The following SORCS1 variants were observed in gnomAD, a reference collection of about 807,000 sequenced individuals.
SORCS1 encodes the protein sortilin related VPS10 domain containing receptor 1, also known as VPS10 domain-containing receptor SorCS1.
SORCS1 carries 60 observed loss-of-function variants against 146.1 expected under a neutral mutation model. That is an observed-to-expected ratio of 0.41 (90% CI 0.33 to 0.51). The LOEUF is 0.51. Among genes scored for constraint, SORCS1 ranks in the 20% least tolerant of loss-of-function variants. The probability of loss-of-function intolerance (pLI) is 0.21; values close to 1 mark genes in which losing one functional copy is unlikely to be tolerated. For missense variants in SORCS1, 1,352 were observed against 1,487.6 expected, an observed-to-expected ratio of 0.91 and a Z score of 1.50; for synonymous variants, 637 against 584.0, an observed-to-expected ratio of 1.09 and a Z score of -1.31.
intron 24 of SORCS1, among the ~76,000 whole-genome samples, chr10:106,588,657 C>T (rs546158620): frequency 4.0e-5 from 6 of 151,678 alleles, no homozygotes; most frequent in South Asian, 4.2e-4. Context: ...GTCAGGAGAT[C>T]GAGACCATCC....
chr10:106,794,501 C>CTTTTTTTTTT (rs35647552), intron 3 of SORCS1, among the ~76,000 whole-genome samples: 2 of 126,068 alleles, frequency 1.6e-5, no homozygotes, highest in Non-Finnish European at 1.7e-5. Flanking sequence ...TTTTCTTTTT[C>CTTTTTTTTTT]TTTTTTTTTT....
At chr10:106,792,807 A>G (rs1406411665) in intron 3 of SORCS1, among the ~76,000 whole-genome samples, 2 of 152,226 alleles carry the variant, frequency 1.3e-5, no homozygotes, top group Non-Finnish European at 2.9e-5. Context: ...TTGTCTATAA[A>G]ATATTTTAAT....
At chr10:107,079,533 T>C (rs1316672389) in intron 1 of SORCS1, among the ~76,000 whole-genome samples, 1 of 152,220 alleles carries the variant, frequency 6.6e-6, no homozygotes, top group Non-Finnish European at 1.5e-5. Flanking sequence ...CCATCACTGC[T>C]AACAATTTTT....
chr10:106,872,494 G>C (rs951182971), intron 2 of SORCS1, among the ~76,000 whole-genome samples: 1 of 152,172 alleles, frequency 6.6e-6, no homozygotes, highest in African/African-American at 2.4e-5. Context: ...AGAAAGGGGA[G>C]AACATGACTT....
intron 2 of SORCS1, among the ~76,000 whole-genome samples, chr10:106,939,404 C>CTGAT: frequency 6.6e-6 from 1 of 152,206 alleles, no homozygotes; most frequent in East Asian, 1.9e-4. Flanking sequence ...ACTGGTCTGA[C>CTGAT]TCAATGTTCT....
At chr10:106,842,783 T>C (rs767354629) in intron 2 of SORCS1, among the ~76,000 whole-genome samples, 1 of 151,588 alleles carries the variant, frequency 6.6e-6, no homozygotes, top group Admixed American at 6.6e-5. Context: ...CCGGCTAATT[T>C]TGTATTTTTA....
At chr10:106,849,262 T>C (rs1015859985) in intron 2 of SORCS1, among the ~76,000 whole-genome samples, 2 of 150,970 alleles carry the variant, frequency 1.3e-5, no homozygotes, top group Non-Finnish European at 3.0e-5. Flanking sequence ...TAGTCCCATA[T>C]TTCTTGGAGG....
chr10:106,733,107 C>CAAAAAAAAAAAAAAAAAAAAAAAAAA (rs1350500252), intron 5 of SORCS1, among the ~76,000 whole-genome samples: 2 of 111,188 alleles, frequency 1.8e-5, no homozygotes, highest in African/African-American at 3.5e-5. Flanking sequence ...TACTCCATTT[C>CAAAAAAAAAAAAAAAAAAAAAAAAAA]AAAAAAAAGA....
intron 2 of SORCS1, among the ~76,000 whole-genome samples, chr10:106,949,337 T>C (rs1490152231): frequency 6.6e-6 from 1 of 152,146 alleles, no homozygotes; most frequent in Admixed American, 6.5e-5. Flanking sequence ...GGACTAACAA[T>C]CTGACCCAAG....
At chr10:106,940,997 G>T (rs916695520) in intron 2 of SORCS1, among the ~76,000 whole-genome samples, 1 of 152,168 alleles carries the variant, frequency 6.6e-6, no homozygotes, top group African/African-American at 2.4e-5. Context: ...AGCTCGACTG[G>T]TTCAGATCTC....
chr10:106,588,215 A>G (rs1845361021), intron 24 of SORCS1, among the ~76,000 whole-genome samples: 1 of 152,222 alleles, frequency 6.6e-6, no homozygotes, highest in African/African-American at 2.4e-5. Flanking sequence ...CATCTAGATT[A>G]TGGATTTAAT....
chr10:107,101,910 T>C (rs1319878947), intron 1 of SORCS1, among the ~76,000 whole-genome samples: 1 of 152,196 alleles, frequency 6.6e-6, no homozygotes, highest in Non-Finnish European at 1.5e-5. Context: ...CCAGTTTGTA[T>C]ATACATGTAA....
intron 17 of SORCS1, among the ~76,000 whole-genome samples, chr10:106,663,496 A>C (rs1298128929): frequency 6.6e-6 from 1 of 152,196 alleles, no homozygotes; most frequent in Non-Finnish European, 1.5e-5. Flanking sequence ...TTTGTAACTA[A>C]ATATTTTTTA....
intron 2 of SORCS1, among the ~76,000 whole-genome samples, chr10:106,863,467 G>A (rs553604881): frequency 6.6e-6 from 1 of 150,496 alleles, no homozygotes; most frequent in Admixed American, 6.6e-5. Context: ...AGAGGTTGCA[G>A]TAAGCTGAGA....
chr10:106,852,223 G>A (rs1012276766), intron 2 of SORCS1, among the ~76,000 whole-genome samples: 2 of 152,104 alleles, frequency 1.3e-5, no homozygotes, highest in Admixed American at 1.3e-4. Context: ...AAAAAACAGT[G>A]GTGAGGAGAT....
intron 22 of SORCS1, among the ~76,000 whole-genome samples, chr10:106,608,221 C>G (rs1846739902): frequency 6.6e-6 from 1 of 152,222 alleles, no homozygotes; most frequent in Non-Finnish European, 1.5e-5. Context: ...TGGTCCCATG[C>G]TTCCTTTCCA....
At chr10:106,849,981 G>GTCTTCAAAGCTGTCAGACAGAGACTT (rs1949482740) in intron 2 of SORCS1, among the ~76,000 whole-genome samples, 3 of 152,130 alleles carry the variant, frequency 2.0e-5, no homozygotes, top group African/African-American at 7.2e-5. Context: ...AACCACTGCT[G>GTCTTCAAAGCTGTCAGACAGAGACTT]TCTTCAAAGC....
intron 2 of SORCS1, among the ~76,000 whole-genome samples, chr10:106,856,315 C>G (rs940690544): frequency 6.6e-6 from 1 of 152,202 alleles, no homozygotes; most frequent in African/African-American, 2.4e-5. Context: ...CAGGCGTGAG[C>G]CACCCCGCCC....
chr10:106,720,075 C>T (rs983596300), intron 6 of SORCS1, among the ~76,000 whole-genome samples: 3 of 152,202 alleles, frequency 2.0e-5, no homozygotes, highest in Non-Finnish European at 4.4e-5. Flanking sequence ...TGATCACTCT[C>T]TATTCTCCCT....
Sources: gnomAD v4.1 joint callset for allele counts (sites outside exome capture counted in the v4.1 genomes callset) on GRCh38, gnomAD v4.1.1 for gene constraint, MANE v1.5 for transcripts, NCBI Gene and HGNC (gene_info 2026-07-23, HGNC 2026-07-21) for gene names.